PUDP: variants seen among roughly 807,000 people sequenced by gnomAD.
PUDP encodes the protein pseudouridine-5'-phosphatase.
Under a neutral mutation model 9.4 loss-of-function variants are expected in PUDP, and 8 were observed. The ratio of observed to expected loss-of-function variants is 0.85; its 90% CI spans 0.50 to 1.53. The LOEUF (loss-of-function observed/expected upper bound fraction) is 1.53, where lower values mean the gene tolerates loss of function less well. Ranked by LOEUF, PUDP falls within the 40% of genes most tolerant of loss-of-function variation. The pLI is 0.00. For missense variants in PUDP, 188 were observed against 189.7 expected, an observed-to-expected ratio of 0.99 and a Z score of 0.05; for synonymous variants, 99 against 80.7, an observed-to-expected ratio of 1.23 and a Z score of -1.22.
chrX:7,111,049 C>G (rs147185778), intron 1 of PUDP, among the ~76,000 whole-genome samples: 18 of 111,029 alleles, frequency 1.6e-4, no homozygotes, highest in African/African-American at 5.9e-4. Flanking sequence ...GTGATTGGAT[C>G]GTTGGGGTGG....
chrX:6,939,402 A>T (rs1027161836), intron 3 of PUDP, among the ~76,000 whole-genome samples: 1 of 107,251 alleles, frequency 9.3e-6, no homozygotes, highest in African/African-American at 3.3e-5. Flanking sequence ...TAATATTATT[A>T]ATCTATTTAA....
intron 3 of PUDP, among the ~76,000 whole-genome samples, chrX:6,859,773 G>C (rs1926968864): frequency 9.0e-6 from 1 of 111,010 alleles, no homozygotes; most frequent in African/African-American, 3.3e-5. Flanking sequence ...CCACACCCCT[G>C]CTGATTGGCT....
At chrX:6,748,427 G>A (rs191860883) in intron 3 of PUDP, among the ~76,000 whole-genome samples, 2 of 111,607 alleles carry the variant, frequency 1.8e-5, no homozygotes, top group South Asian at 3.8e-4. Context: ...TCTCAAATAC[G>A]GTGCAGGCAG....
intron 3 of PUDP, among the ~76,000 whole-genome samples, chrX:6,761,020 GTGTTTGTTTGTT>G (rs66861541): frequency 3.7e-5 from 4 of 107,072 alleles, no homozygotes; most frequent in South Asian, 8.2e-4. Flanking sequence ...AAGAAAGTTA[GTGTTTGTTTGTT>G]TGTTTGTTTG....
At chrX:7,036,928 T>G (rs919420660) in intron 1 of PUDP, among the ~76,000 whole-genome samples, 2 of 112,437 alleles carry the variant, frequency 1.8e-5, no homozygotes, top group Non-Finnish European at 3.7e-5. Flanking sequence ...AGAAACAATA[T>G]TGTCTTTAAT....
intron 1 of PUDP, among the ~76,000 whole-genome samples, chrX:7,128,513 G>C (rs1932539270): frequency 9.0e-6 from 1 of 111,674 alleles, no homozygotes; most frequent in African/African-American, 3.3e-5. Context: ...CCATGCCTGT[G>C]TGTGTAAGCT....
intron 1 of PUDP, among the ~76,000 whole-genome samples, chrX:6,979,567 A>T (rs1161114325): frequency 2.7e-5 from 3 of 111,826 alleles, no homozygotes; most frequent in Non-Finnish European, 5.6e-5. Context: ...ATGAGGGGGA[A>T]GATATGTATA....
chrX:6,991,240 A>T (rs774660580), intron 1 of PUDP, among the ~76,000 whole-genome samples: 2 of 111,367 alleles, frequency 1.8e-5, no homozygotes, highest in Non-Finnish European at 3.8e-5. Flanking sequence ...TTGTATCTCA[A>T]TCACTTGCAC....
rs763235678 is a variant in PUDP, at chrX:6,838,975, G to A, written c.*248-132509C>T. Among the ~76,000 whole-genome samples, 147 of 111,898 alleles carry A rather than the reference G, an allele frequency of 1.3e-3. 2 individuals carry two copies. The highest frequency in any genetic ancestry group is 4.5e-3 in the African/African-American group (138 of 30,823). ...TTGAAATAGCACAGACTCCCTTTCT[G>A]TCAGCCATAGCCATGCTATCTATGT... On this transcript the variant is annotated intron_variant and NMD_transcript_variant, in intron 3 of 3. Coordinates refer to the PUDP transcript ENST00000655425.
chrX:7,012,521 G>A (rs1164930835), intron 1 of PUDP, among the ~76,000 whole-genome samples: 1 of 111,503 alleles, frequency 9.0e-6, no homozygotes, highest in African/African-American at 3.3e-5. Flanking sequence ...CAGAGTCATC[G>A]GTAGAGTAGC....
intron 3 of PUDP, among the ~76,000 whole-genome samples, chrX:6,921,410 C>T (rs1928022012): frequency 9.1e-6 from 1 of 110,467 alleles, no homozygotes; most frequent in Admixed American, 9.6e-5. Context: ...AAAAAAAATA[C>T]CACTCACAAC....
intron 1 of PUDP, among the ~76,000 whole-genome samples, chrX:7,137,254 T>A (rs749440595): frequency 3.4e-5 from 3 of 88,817 alleles, no homozygotes; most frequent in African/African-American, 8.5e-5. Flanking sequence ...AAAAAAAAAA[T>A]AAAACTAAGG....
At chrX:6,855,796 T>C (rs774444242) in intron 3 of PUDP, among the ~76,000 whole-genome samples, 1 of 111,833 alleles carries the variant, frequency 8.9e-6, no homozygotes, top group African/African-American at 3.2e-5. Context: ...TTGAGTATAC[T>C]AGTGTTCTAT....
At chrX:6,859,939 C>A (rs1162693853) in intron 3 of PUDP, among the ~76,000 whole-genome samples, 1 of 112,478 alleles carries the variant, frequency 8.9e-6, no homozygotes, top group Non-Finnish European at 1.9e-5. Flanking sequence ...AACTCTCTCT[C>A]TACTGCAATG....
At chrX:6,825,500 T>G (rs923709246) in intron 3 of PUDP, among the ~76,000 whole-genome samples, 13 of 111,277 alleles carry the variant, frequency 1.2e-4, no homozygotes, top group African/African-American at 4.2e-4. Context: ...TCAAAAACCA[T>G]GTATTCTGCT....
chrX:6,791,182 C>A (rs1285000033), intron 3 of PUDP, among the ~76,000 whole-genome samples: 2 of 108,854 alleles, frequency 1.8e-5, no homozygotes, highest in Admixed American at 2.0e-4. Flanking sequence ...ATGGTGAGAC[C>A]CTGTATCTAC....
chrX:7,081,106 A>C (rs765146788), intron 2 of PUDP, among the ~76,000 whole-genome samples: 1 of 112,021 alleles, frequency 8.9e-6, no homozygotes, highest in South Asian at 3.7e-4. Context: ...ACACTGTATA[A>C]AAATTTTCTT....
At chrX:6,753,999 T>C (rs1411867727) in intron 3 of PUDP, among the ~76,000 whole-genome samples, 4 of 112,175 alleles carry the variant, frequency 3.6e-5, no homozygotes, top group Non-Finnish European at 5.6e-5. Flanking sequence ...CAGCAATTTA[T>C]CTTTGTTTTT....
intron 3 of PUDP, among the ~76,000 whole-genome samples, chrX:6,766,242 G>A (rs1286096279): frequency 8.9e-6 from 1 of 111,979 alleles, no homozygotes; most frequent in Non-Finnish European, 1.9e-5. Context: ...ATGGTTTAAA[G>A]AAGTTCTTTA....
Sources: allele counts gnomAD v4.1 joint callset (sites outside exome capture counted in the v4.1 genomes callset), GRCh38; gene constraint gnomAD v4.1.1; transcripts MANE v1.5; gene names NCBI Gene and HGNC (gene_info 2026-07-23, HGNC 2026-07-21).